ARMH4: variants seen among roughly 807,000 people sequenced by gnomAD.
ARMH4 encodes the protein armadillo like helical domain containing 4.
A neutral mutation model predicts 61.9 loss-of-function variants in ARMH4; 49 were observed. The ratio of observed to expected loss-of-function variants is 0.79; its 90% CI spans 0.63 to 1.00. The LOEUF is 1.00. Ranked by LOEUF, ARMH4 falls within the 50% of genes least tolerant of loss-of-function variation. The pLI is 0.00. For missense variants in ARMH4, 934 were observed against 930.0 expected (o/e 1.00, Z -0.06); for synonymous variants, 368 against 341.5 (o/e 1.08, Z -0.85).
intron 1 of ARMH4, among the ~76,000 whole-genome samples, chr14:58,150,822 T>C (rs1204808634): frequency 6.6e-6 from 1 of 152,238 alleles, no homozygotes; most frequent in East Asian, 1.9e-4. Flanking sequence ...GAAGCAATGT[T>C]CTGATACTGT....
At chr14:58,090,804 C>T (rs1444054973) in intron 5 of ARMH4, among the ~76,000 whole-genome samples, 6 of 149,390 alleles carry the variant, frequency 4.0e-5, no homozygotes, top group African/African-American at 1.5e-4. Flanking sequence ...CGCTTGAACC[C>T]GAGAGGTGGA....
intron 3 of ARMH4, among the ~76,000 whole-genome samples, chr14:58,132,232 T>G (rs768994283): frequency 6.6e-5 from 10 of 152,322 alleles, no homozygotes; most frequent in Middle Eastern, 3.4e-3. Flanking sequence ...TCACATAGAT[T>G]TGAAAACTTC....
chr14:58,081,532 G>C (rs181058243), intron 5 of ARMH4, among the ~76,000 whole-genome samples: 346 of 147,196 alleles, frequency 2.4e-3, no homozygotes, highest in African/African-American at 8.1e-3. Context: ...ACGGAATCTC[G>C]CTCTGTCACC....
chr14:58,006,809 A>G (rs1882189935), intron 6 of ARMH4, among the ~76,000 whole-genome samples: 1 of 152,092 alleles, frequency 6.6e-6, no homozygotes, highest in Non-Finnish European at 1.5e-5. Flanking sequence ...CACCTAATGT[A>G]AATGACAAGT....
intron 4 of ARMH4, among the ~76,000 whole-genome samples, chr14:58,128,690 C>T (rs904478582): frequency 6.6e-6 from 1 of 152,232 alleles, no homozygotes; most frequent in Non-Finnish European, 1.5e-5. Context: ...CACACCAAAA[C>T]TTCTCCCACT....
At chr14:58,084,390 A>G (rs1478347297) in intron 5 of ARMH4, among the ~76,000 whole-genome samples, 1 of 152,016 alleles carries the variant, frequency 6.6e-6, no homozygotes, top group African/African-American at 2.4e-5. Context: ...CTATTGGTCT[A>G]TTTCCCCCGT....
intron 4 of ARMH4, among the ~76,000 whole-genome samples, chr14:58,114,398 C>A (rs1226312298): frequency 6.6e-6 from 1 of 152,086 alleles, no homozygotes; most frequent in East Asian, 1.9e-4. Context: ...GGGTTTCAGC[C>A]CATCTTTGGA....
At chr14:58,111,678 CCTT>C (rs748519307) in intron 4 of ARMH4, among the ~76,000 whole-genome samples, 8 of 147,312 alleles carry the variant, frequency 5.4e-5, no homozygotes, top group South Asian at 4.2e-4. Context: ...TGTTCTTCTT[CCTT>C]CTTCTTTTTT....
intron 4 of ARMH4, among the ~76,000 whole-genome samples, chr14:58,097,725 A>T (rs1007566255): frequency 1.3e-5 from 2 of 149,892 alleles, no homozygotes; most frequent in Non-Finnish European, 3.0e-5. Context: ...TTTATTTTTG[A>T]GACGGAGTCT....
intron 4 of ARMH4, among the ~76,000 whole-genome samples, chr14:58,130,242 C>T (rs1887043123): frequency 6.6e-6 from 1 of 152,120 alleles, no homozygotes; most frequent in South Asian, 2.1e-4. Flanking sequence ...GAGCTGTTAG[C>T]CTTTGAGCCC....
chr14:58,151,418 T>C (rs2140011015), intron 1 of ARMH4, among the ~76,000 whole-genome samples: 1 of 152,188 alleles, frequency 6.6e-6, no homozygotes, highest in African/African-American at 2.4e-5. Context: ...CTCCCCCAGG[T>C]CTAACCCGCA....
intron 5 of ARMH4, among the ~76,000 whole-genome samples, chr14:58,052,141 A>T (rs1033255250): frequency 1.3e-5 from 2 of 151,898 alleles, no homozygotes; most frequent in African/African-American, 4.8e-5. Flanking sequence ...CCTCCTTCGG[A>T]TTCACTTAAA....
chr14:58,024,044 C>T (rs192549252), intron 5 of ARMH4, among the ~76,000 whole-genome samples: 10 of 152,202 alleles, frequency 6.6e-5, no homozygotes, highest in South Asian at 6.2e-4. Context: ...TCTTAAGGGC[C>T]CTAGGATTTT....
chr14:58,052,616 T>C (rs573039886), intron 5 of ARMH4, among the ~76,000 whole-genome samples: 19 of 152,236 alleles, frequency 1.2e-4, no homozygotes, highest in African/African-American at 4.3e-4. Context: ...CTCAGCTTCT[T>C]TGGAGGGTCT....
At chr14:58,013,405 AGCATTC>A (rs72309276) in intron 5 of ARMH4, among the ~76,000 whole-genome samples, 26,526 of 151,942 alleles carry the variant, frequency 0.17, 3,072 homozygotes, top group East Asian at 0.55. Flanking sequence ...AAATGTAAAA[AGCATTC>A]GCATTCTTTG....
At chr14:58,008,164 A>G (rs577641067) in intron 6 of ARMH4, among the ~76,000 whole-genome samples, 14 of 152,342 alleles carry the variant, frequency 9.2e-5, no homozygotes, top group Middle Eastern at 3.4e-3. Flanking sequence ...GATCTGCTTA[A>G]AGTATATATT....
At chr14:58,028,168 T>C (rs1883087499) in intron 5 of ARMH4, among the ~76,000 whole-genome samples, 1 of 152,230 alleles carries the variant, frequency 6.6e-6, no homozygotes, top group Non-Finnish European at 1.5e-5. Context: ...CTACCCCTCC[T>C]GTTTGTTACA....
At chr14:58,068,369 T>C (rs759516897) in intron 5 of ARMH4, among the ~76,000 whole-genome samples, 1 of 152,208 alleles carries the variant, frequency 6.6e-6, no homozygotes, top group Non-Finnish European at 1.5e-5. Context: ...CTTGAAAATG[T>C]TGTAGTCTTG....
chr14:58,124,848 G>A (rs1370518768), intron 4 of ARMH4, among the ~76,000 whole-genome samples: 1 of 152,118 alleles, frequency 6.6e-6, no homozygotes, highest in Non-Finnish European at 1.5e-5. Flanking sequence ...CTCACTCCAG[G>A]AACTAGTGCT....
Sources: allele counts gnomAD v4.1 joint callset (sites outside exome capture counted in the v4.1 genomes callset), GRCh38; gene constraint gnomAD v4.1.1; transcripts MANE v1.5; gene names NCBI Gene and HGNC (gene_info 2026-07-23, HGNC 2026-07-21).